Variants in LRRC7 observed in about 807,000 individuals in gnomAD.
LRRC7 encodes the protein leucine-rich repeat-containing protein 7.
A neutral mutation model predicts 175.7 loss-of-function variants in LRRC7; 23 were observed. The observed-to-expected ratio is 0.13, with a 90% CI of 0.09 to 0.19. The LOEUF (loss-of-function observed/expected upper bound fraction) is 0.19, where lower values mean the gene tolerates loss of function less well. Ranked by LOEUF, LRRC7 falls within the 10% of genes least tolerant of loss-of-function variation. The pLI, the probability that LRRC7 is intolerant of heterozygous loss-of-function variation, is 1.00. For missense variants in LRRC7, 1,354 were observed against 1,904.7 expected, an observed-to-expected ratio of 0.71 and a Z score of 5.38; for synonymous variants, 685 against 680.9, an observed-to-expected ratio of 1.01 and a Z score of -0.09.
intron 1 of LRRC7, among the ~76,000 whole-genome samples, chr1:69,655,252 A>C (rs1656438373): frequency 6.6e-6 from 1 of 152,098 alleles, no homozygotes; most frequent in Non-Finnish European, 1.5e-5. Context: ...TAACCACCCA[A>C]AACTGTCCCA....
intron 8 of LRRC7, among the ~76,000 whole-genome samples, chr1:69,975,658 T>C (rs1652739453): frequency 6.6e-6 from 1 of 152,226 alleles, no homozygotes; most frequent in East Asian, 1.9e-4. Flanking sequence ...ACAAAATTCT[T>C]GTTGCCTTAT....
In LRRC7 at chr1:69,920,033, G is replaced by A. The variant is rs1646839174; in HGVS notation, c.648-11474G>A. On this transcript the variant is annotated intron_variant, in intron 7 of 26. Transcript: ENST00000651989. ...CACTCCCTGTCAGTCCCCAGTTGGG[G>A]CTGCGACCTCCAGACTCTCCATTAA... The A allele has an allele frequency of 9.4e-6, 4 of 425,320 alleles. No homozygotes were observed. In the Admixed American group the frequency reaches 1.5e-4, roughly 16 times the overall value. The allele number at this position is 425,320 out of a possible 1,614,324, so 26.3% of individuals were successfully genotyped here. A position where few individuals can be genotyped will look rare whatever the true frequency, so the allele number is the denominator to read the frequency against.
chr1:70,041,590 C>T (rs980735999), intron 21 of LRRC7, among the ~76,000 whole-genome samples: 2 of 152,180 alleles, frequency 1.3e-5, no homozygotes, highest in African/African-American at 2.4e-5. Flanking sequence ...AGTTTGGGAA[C>T]TCTGGCCTCG....
Position 69,865,469 on chromosome 1 carries a change from CTTTTTTTTTTTTTT to C in LRRC7, c.647+27198_647+27211del, listed in dbSNP as rs532063540. On this transcript the variant is annotated intron_variant, in intron 7 of 26. Coordinates refer to ENST00000651989, the MANE Select transcript of LRRC7 (RefSeq NM_001370785.2). The stretch of plus-strand genomic sequence containing the variant: ...ATAAGCAAGCTGCTGAAGACAGTTC[CTTTTTTTTTTTTTT>C]TTTTTTTTTTTGAAACGGAGTCCCG... Among the ~76,000 whole-genome samples the C allele has an allele frequency of 7.8e-5, 4 of 51,266 alleles. No homozygotes were observed. In the East Asian group the frequency reaches 1.4e-3, roughly 19 times the overall value. The allele number at this position is 51,266 out of a possible 152,430, so 33.6% of individuals were successfully genotyped here.
chr1:69,627,018 G>A (rs1291895403), intron 1 of LRRC7, among the ~76,000 whole-genome samples: 3 of 152,020 alleles, frequency 2.0e-5, no homozygotes, highest in East Asian at 3.9e-4. Flanking sequence ...ATTGTGAATA[G>A]TGCCACAATA....
At chr1:69,690,301 A>C (rs764109348) in intron 2 of LRRC7, among the ~76,000 whole-genome samples, 11 of 152,346 alleles carry the variant, frequency 7.2e-5, no homozygotes, top group South Asian at 4.1e-4. Flanking sequence ...GAGTAACTGT[A>C]GTCAAGTCAT....
chr1:69,767,337 T>A (rs889239134), intron 3 of LRRC7, among the ~76,000 whole-genome samples: 2 of 152,220 alleles, frequency 1.3e-5, no homozygotes. Context: ...ATTACACATA[T>A]GTGTAACTAT....
chr1:69,993,903 TA>T (rs2101910902), intron 10 of LRRC7, among the ~76,000 whole-genome samples: 1 of 152,244 alleles, frequency 6.6e-6, no homozygotes, highest in South Asian at 2.1e-4. Context: ...TATTGCTCAT[TA>T]AAACCCTGGG....
At chr1:69,814,980 C>G (rs1405936901) in intron 4 of LRRC7, among the ~76,000 whole-genome samples, 1 of 152,036 alleles carries the variant, frequency 6.6e-6, no homozygotes, top group Non-Finnish European at 1.5e-5. Flanking sequence ...CAGTCCAACC[C>G]AGAACTCTCC....
intron 7 of LRRC7, among the ~76,000 whole-genome samples, chr1:69,878,276 G>GAAAAAA (rs369453827): frequency 8.1e-6 from 1 of 123,896 alleles, no homozygotes. Flanking sequence ...CCTTATCTTA[G>GAAAAAA]AAAAAAAAAA....
intron 4 of LRRC7, among the ~76,000 whole-genome samples, chr1:69,809,703 G>T (rs933165116): frequency 3.3e-5 from 5 of 152,072 alleles, no homozygotes; most frequent in Non-Finnish European, 5.9e-5. Context: ...ATACGGAAAA[G>T]ACCTTCAACA....
At chr1:70,002,699 A>G (rs1655645070) in intron 11 of LRRC7, among the ~76,000 whole-genome samples, 1 of 152,136 alleles carries the variant, frequency 6.6e-6, no homozygotes, top group Non-Finnish European at 1.5e-5. Context: ...AAGTCATTTC[A>G]TGTCTCAGAG....
At chr1:69,950,215 A>C (rs1388002160) in intron 8 of LRRC7, among the ~76,000 whole-genome samples, 1 of 152,090 alleles carries the variant, frequency 6.6e-6, no homozygotes, top group East Asian at 1.9e-4. Context: ...GTTAATAGAC[A>C]GATAGACATA....
intron 4 of LRRC7, among the ~76,000 whole-genome samples, chr1:69,809,089 G>A (rs1025476708): frequency 3.3e-5 from 5 of 151,836 alleles, no homozygotes; most frequent in Admixed American, 3.3e-4. Flanking sequence ...TGGTAAAGGG[G>A]GTATCACCAC....
intron 1 of LRRC7, among the ~76,000 whole-genome samples, chr1:69,593,533 A>G (rs994052783): frequency 2.6e-5 from 4 of 152,174 alleles, no homozygotes; most frequent in African/African-American, 9.6e-5. Flanking sequence ...TAAAATACAT[A>G]AGTATTCTCA....
At chr1:69,811,432 A>G (rs1224082015) in intron 4 of LRRC7, among the ~76,000 whole-genome samples, 2 of 152,200 alleles carry the variant, frequency 1.3e-5, no homozygotes, top group Non-Finnish European at 2.9e-5. Context: ...ATATACCCAA[A>G]GGATTATAAA....
At chr1:69,964,857 G>A (rs916997925) in intron 8 of LRRC7, among the ~76,000 whole-genome samples, 1 of 152,190 alleles carries the variant, frequency 6.6e-6, no homozygotes, top group Non-Finnish European at 1.5e-5. Flanking sequence ...AGTCTAAGCA[G>A]TTTGAATCAC....
chr1:69,661,636 A>G (rs1162704157), intron 1 of LRRC7, among the ~76,000 whole-genome samples: 1 of 152,112 alleles, frequency 6.6e-6, no homozygotes, highest in Non-Finnish European at 1.5e-5. Flanking sequence ...ACTAGAAACC[A>G]TTGCCTTATG....
At chr1:69,741,424 T>C (rs1668696783) in intron 2 of LRRC7, among the ~76,000 whole-genome samples, 1 of 151,114 alleles carries the variant, frequency 6.6e-6, no homozygotes, top group South Asian at 2.1e-4. Context: ...AGACGTGAAA[T>C]AGTAAGAGCA....
Sources: gnomAD v4.1 joint callset for allele counts (sites outside exome capture counted in the v4.1 genomes callset) on GRCh38, gnomAD v4.1.1 for gene constraint, MANE v1.5 for transcripts, NCBI Gene and HGNC (gene_info 2026-07-23, HGNC 2026-07-21) for gene names.